Variants in GRM4 observed in about 807,000 individuals in gnomAD.
GRM4 encodes metabotropic glutamate receptor 4.
In GRM4, 28 loss-of-function variants were observed where a neutral mutation model predicts 81.7. The ratio of observed to expected loss-of-function variants is 0.34; its 90% CI spans 0.25 to 0.47. The LOEUF is 0.47. Ranked by LOEUF, GRM4 falls within the 20% of genes least tolerant of loss-of-function variation. The probability of loss-of-function intolerance (pLI) is 1.00; values close to 1 mark genes in which losing one functional copy is unlikely to be tolerated. For missense variants in GRM4, 948 were observed against 1,290.0 expected (o/e 0.73, Z 4.06); for synonymous variants, 488 against 528.8 (o/e 0.92, Z 1.06).
At chr6:34,128,898 CAAAG>C (rs2127508743) in intron 2 of GRM4, among the ~76,000 whole-genome samples, 1 of 152,304 alleles carries the variant, frequency 6.6e-6, no homozygotes, top group East Asian at 1.9e-4. Context: ...ATAAAAGACT[CAAAG>C]AAATTATTTC....
At chr6:34,037,204 G>A (rs1428714086) in intron 8 of GRM4, among the ~76,000 whole-genome samples, 4 of 152,260 alleles carry the variant, frequency 2.6e-5, no homozygotes, top group Non-Finnish European at 5.9e-5. Context: ...ATCAGAGGAT[G>A]CTTAATGTGT....
intron 2 of GRM4, among the ~76,000 whole-genome samples, chr6:34,129,477 T>A (rs1235723856): frequency 1.3e-5 from 2 of 152,268 alleles, no homozygotes; most frequent in Non-Finnish European, 2.9e-5. Flanking sequence ...ACCACTGGGC[T>A]TGGGTGCCCA....
At chr6:34,154,939 G>T (rs1771118056) in intron 1 of GRM4, 1 of 627,294 alleles carries the variant, frequency 1.6e-6, no homozygotes, top group East Asian at 3.4e-5. Context: ...CCCGGTGGCC[G>T]AACGCCCTCA....
Position 34,064,374 on chromosome 6 carries a change from A to T in GRM4, c.737-2346T>A, listed in dbSNP as rs1766340881. ...AAATTGAGGCACAGAGAGGTTAAGT[A>T]GCTTCCCCAGGATCACAAAGATAGT... On this transcript the variant is annotated intron_variant, in intron 3 of 10. Transcript: ENST00000538487. The surrounding 1 kb of genome is among the most constrained non-coding windows in gnomAD (Gnocchi z 4.4). 6.6e-6 allele frequency among the ~76,000 whole-genome samples: 1 copy of T among 152,222 alleles called. No individual in the cohort carries two copies. The highest frequency in any genetic ancestry group is 2.4e-5 in the African/African-American group (1 of 41,460).
At chr6:34,071,573 C>A (rs1187076454) in intron 3 of GRM4, among the ~76,000 whole-genome samples, 1 of 136,894 alleles carries the variant, frequency 7.3e-6, no homozygotes. Flanking sequence ...AAACACCACA[C>A]ACACACACAC....
chr6:34,039,579 G>A (rs1764895509), intron 8 of GRM4, among the ~76,000 whole-genome samples: 1 of 152,234 alleles, frequency 6.6e-6, no homozygotes, highest in Non-Finnish European at 1.5e-5. Context: ...CTGAGGGCCA[G>A]AGAGGGAAAG....
intron 3 of GRM4, among the ~76,000 whole-genome samples, chr6:34,085,360 G>A (rs1242197254): frequency 6.6e-6 from 1 of 152,216 alleles, no homozygotes; most frequent in Admixed American, 6.5e-5. Flanking sequence ...ACCTGACGCA[G>A]CTGCTGACAG....
rs540256058 is a variant in GRM4 at position 34,066,179 on chromosome 6, G to A, written c.737-4151C>T. ...ACGTGCCGGCTGCCTCCAAGCCAGT[G>A]CTTCCCCGTCCACACTCGTCCCCAG... On this transcript the variant is annotated intron_variant, in intron 3 of 10. Coordinates refer to ENST00000538487, the MANE Select transcript of GRM4 (RefSeq NM_000841.4). 1.2e-4 allele frequency among the ~76,000 whole-genome samples: 19 copies of A among 152,302 alleles called. No individual in the cohort carries two copies. In the East Asian group the frequency reaches 3.5e-3, roughly 28 times the overall value.
chr6:34,056,424 A>C, intron 6 of GRM4, 120 bp downstream of exon 6: 3 of 876,128 alleles, frequency 3.4e-6, no homozygotes, highest in East Asian at 2.8e-5. Flanking sequence ...GCCCAACTGC[A>C]CGTCCTGCCA....
In GRM4 at chr6:34,078,464, G is replaced by A. The variant is rs981043426; in HGVS notation, c.736+13419C>T. Among the ~76,000 whole-genome samples, 2 of 152,012 alleles carry A rather than the reference G, an allele frequency of 1.3e-5. No individual in the cohort carries two copies. Among genetic ancestry groups the A allele is most frequent in the African/African-American group, 4.8e-5 (2 of 41,364 alleles). On this transcript the variant is annotated intron_variant, in intron 3 of 10. Coordinates refer to ENST00000538487, the MANE Select transcript of GRM4 (RefSeq NM_000841.4). The surrounding 1 kb of genome is among the most constrained non-coding windows in gnomAD (Gnocchi z 4.8). Reference sequence around the variant, plus strand: ...CCCACCAGCCAGAGCCCAGTGCTGCGGTCCACACCTTCCCTTCTTCCACCC... The same window carrying A: ...CCCACCAGCCAGAGCCCAGTGCTGCAGTCCACACCTTCCCTTCTTCCACCC...
intron 2 of GRM4, among the ~76,000 whole-genome samples, chr6:34,120,444 T>A (rs888884105): frequency 2.0e-5 from 3 of 152,176 alleles, no homozygotes. Context: ...ACTTTCCTAA[T>A]TGATTTTGTG....
intron 8 of GRM4, among the ~76,000 whole-genome samples, chr6:34,039,696 T>G (rs2127445844): frequency 6.6e-6 from 1 of 152,280 alleles, no homozygotes; most frequent in South Asian, 2.1e-4. Context: ...AACTGGCAAC[T>G]GGCTCACTAC....
chr6:34,141,565 AG>A (rs1770692249), intron 1 of GRM4, among the ~76,000 whole-genome samples: 1 of 152,170 alleles, frequency 6.6e-6, no homozygotes, highest in African/African-American at 2.4e-5. Flanking sequence ...ACATTTTGAC[AG>A]GAGTCATCAG....
At chr6:34,087,248 G>A (rs1190284818) in intron 3 of GRM4, among the ~76,000 whole-genome samples, 5 of 150,620 alleles carry the variant, frequency 3.3e-5, no homozygotes, top group South Asian at 2.1e-4. Flanking sequence ...GTGAAACCCC[G>A]TCTCTACTAA....
chr6:34,137,494 C>T (rs1415539888), intron 1 of GRM4, among the ~76,000 whole-genome samples: 1 of 152,226 alleles, frequency 6.6e-6, no homozygotes, highest in Non-Finnish European at 1.5e-5. Context: ...ATGGGGGAGT[C>T]CCCACACATC....
intron 2 of GRM4, among the ~76,000 whole-genome samples, chr6:34,112,977 G>A (rs1304124279): frequency 1.3e-5 from 2 of 152,218 alleles, no homozygotes; most frequent in African/African-American, 2.4e-5. Context: ...TGCTCTCAGG[G>A]TCTGTCCTTA....
At chr6:34,149,553 C>G (rs112725231), upstream of GRM4, among the ~76,000 whole-genome samples, 4,612 of 152,294 alleles carry the variant, frequency 0.03, 139 homozygotes, top group Middle Eastern at 0.085. Context: ...CCCGGGTTAA[C>G]AATCCTGGGG....
chr6:34,040,335 C>T, intron 7 of GRM4, 21 bp from the exon 8 acceptor site: 1 of 1,612,480 alleles, frequency 6.2e-7, no homozygotes. Context: ...GGGCGGGTGT[C>T]TTTGCAGAGC....
intron 6 of GRM4, among the ~76,000 whole-genome samples, chr6:34,044,749 T>G (rs376496612): frequency 0.046 from 4,169 of 90,086 alleles, 202 homozygotes; most frequent in African/African-American, 0.12. Flanking sequence ...CATACACATA[T>G]ATACACATAC....
Sources: allele counts gnomAD v4.1 joint callset (sites outside exome capture counted in the v4.1 genomes callset), GRCh38; gene constraint gnomAD v4.1.1; non-coding constraint Gnocchi (gnomAD v3.1); transcripts MANE v1.5; gene names NCBI Gene and HGNC (gene_info 2026-07-23, HGNC 2026-07-21).